The following CCDC171 variants were observed in gnomAD, a reference collection of about 807,000 sequenced individuals.
CCDC171 encodes coiled-coil domain containing 171, also known as coiled-coil domain-containing protein 171.
Under a neutral mutation model 168.2 loss-of-function variants are expected in CCDC171, and 177 were observed. That is an observed-to-expected ratio of 1.05 (90% CI 0.93 to 1.19). The LOEUF is 1.19. Among genes scored for constraint, CCDC171 ranks in the 50% most tolerant of loss-of-function variants. The probability of loss-of-function intolerance (pLI) is 0.00; values close to 1 mark genes in which losing one functional copy is unlikely to be tolerated. For synonymous variants in CCDC171, 687 were observed against 540.8 expected (o/e 1.27, Z -3.75); for missense variants, 1,991 against 1,539.0 (o/e 1.29, Z -4.91).
intron 3 of CCDC171, among the ~76,000 whole-genome samples, chr9:15,984,739 AG>A (rs1831930833): frequency 6.6e-6 from 1 of 152,148 alleles, no homozygotes; most frequent in Non-Finnish European, 1.5e-5. Flanking sequence ...TGAAAAGGGT[AG>A]GATACAAAAT....
At chr9:15,592,360 C>T (rs1285706683) in intron 5 of CCDC171, among the ~76,000 whole-genome samples, 2 of 150,744 alleles carry the variant, frequency 1.3e-5, no homozygotes, top group Non-Finnish European at 3.0e-5. Context: ...AGCAAAAAAA[C>T]AAAACAAAGA....
At chr9:15,793,280 T>C (rs930525819) in intron 21 of CCDC171, among the ~76,000 whole-genome samples, 2 of 151,960 alleles carry the variant, frequency 1.3e-5, no homozygotes, top group Admixed American at 1.3e-4. Context: ...CTAACTATCC[T>C]AAATATATAT....
chr9:15,590,677 T>C (rs1424978395), intron 4 of CCDC171, among the ~76,000 whole-genome samples: 1 of 152,234 alleles, frequency 6.6e-6, no homozygotes, highest in Non-Finnish European at 1.5e-5. Context: ...TTGTTGTCAA[T>C]AGTCAAATAT....
intron 6 of CCDC171, among the ~76,000 whole-genome samples, chr9:15,619,407 T>G (rs931466072): frequency 9.9e-5 from 15 of 152,198 alleles, no homozygotes; most frequent in African/African-American, 3.6e-4. Flanking sequence ...CAGCCATTCT[T>G]ATTGCTGACA....
At chr9:15,613,775 G>A (rs1293171412) in intron 6 of CCDC171, among the ~76,000 whole-genome samples, 2 of 151,814 alleles carry the variant, frequency 1.3e-5, no homozygotes, top group East Asian at 1.9e-4. Context: ...TGCCCGCCTC[G>A]GCCTCCCAAA....
intron 5 of CCDC171, 104 bp downstream of exon 5, chr9:15,591,660 C>A: frequency 1.4e-6 from 1 of 691,910 alleles, no homozygotes. Context: ...CTTTTTCCTT[C>A]CTCCTTCCTT....
intron 21 of CCDC171, among the ~76,000 whole-genome samples, chr9:15,826,334 T>TC (rs1213937362): frequency 1.3e-5 from 2 of 151,970 alleles, no homozygotes; most frequent in Non-Finnish European, 2.9e-5. Flanking sequence ...TCCTTTTTTT[T>TC]TATGCTGAAG....
chr9:15,802,607 A>G (rs1399656763), intron 21 of CCDC171, among the ~76,000 whole-genome samples: 2 of 152,132 alleles, frequency 1.3e-5, no homozygotes, highest in Non-Finnish European at 2.9e-5. Context: ...TTATGGCTGC[A>G]TGGTATTCCA....
intron 3 of CCDC171, among the ~76,000 whole-genome samples, chr9:15,572,610 C>T (rs3119700): frequency 0.055 from 8,392 of 152,188 alleles, 278 homozygotes; most frequent in African/African-American, 0.09. Flanking sequence ...TTTTTCTTCC[C>T]TTTTTGCTAA....
At position 15,892,934 on chromosome 9, in the gene CCDC171, A is replaced by AT. The variant is rs538631164; in HGVS notation, c.3600+18275dup. Among the ~76,000 whole-genome samples, 3 of 152,310 alleles carry AT rather than the reference A, an allele frequency of 2.0e-5. No homozygotes were observed. In the South Asian group the frequency reaches 6.2e-4, roughly 32 times the overall value. On this transcript the variant is annotated intron_variant, in intron 24 of 25. Transcript: ENST00000380701. ...ATTCTTCACAGAATTAGAAAAAACT[A>AT]TTTTAAAATTAATATGGAACCAAGA... is the stretch of plus-strand genomic sequence containing the variant.
intron 25 of CCDC171, among the ~76,000 whole-genome samples, chr9:15,931,507 A>T (rs1589159977): frequency 4.5e-5 from 2 of 44,702 alleles, no homozygotes; most frequent in African/African-American, 8.7e-5. Context: ...TTCCTTATAT[A>T]TTCTGGATAT....
At chr9:15,625,655 T>C (rs2045014578) in intron 7 of CCDC171, among the ~76,000 whole-genome samples, 1 of 152,252 alleles carries the variant, frequency 6.6e-6, no homozygotes, top group South Asian at 2.1e-4. Flanking sequence ...CTGAGGGCTC[T>C]GTTCTGTTCC....
intron 7 of CCDC171, among the ~76,000 whole-genome samples, chr9:15,626,364 GT>G (rs1461749446): frequency 6.6e-6 from 1 of 152,162 alleles, no homozygotes; most frequent in Non-Finnish European, 1.5e-5. Context: ...AATAGGAGTG[GT>G]GAGAGAGGGC....
chr9:15,623,464 TGCGC>T, intron 7 of CCDC171, 51 bp downstream of exon 7: 1 of 765,030 alleles, frequency 1.3e-6, no homozygotes, highest in South Asian at 1.8e-5. Flanking sequence ...CTTTCACATA[TGCGC>T]GCGCGCGCAC....
intron 1 of CCDC171, among the ~76,000 whole-genome samples, chr9:16,055,639 G>A (rs919103755): frequency 3.3e-5 from 5 of 152,236 alleles, no homozygotes; most frequent in Admixed American, 6.5e-5. Context: ...CAAATGAAAC[G>A]TGTAATTTCT....
chr9:16,062,496 C>T (rs1296981502), downstream of CCDC171, among the ~76,000 whole-genome samples: 1 of 152,142 alleles, frequency 6.6e-6, no homozygotes, highest in Non-Finnish European at 1.5e-5. Flanking sequence ...ACCAAAACCC[C>T]GAGACATGCA....
the CCDC171 span, among the ~76,000 whole-genome samples, chr9:16,078,422 C>G: frequency 6.6e-6 from 1 of 152,142 alleles, no homozygotes; most frequent in African/African-American, 2.4e-5. Flanking sequence ...ACTGGCTGAT[C>G]TGCATGCAGT....
chr9:15,867,786 A>G (rs2061854186), intron 23 of CCDC171, among the ~76,000 whole-genome samples: 1 of 152,088 alleles, frequency 6.6e-6, no homozygotes, highest in South Asian at 2.1e-4. Context: ...CTTTAAAATA[A>G]TTTATCTTCA....
intron 21 of CCDC171, among the ~76,000 whole-genome samples, chr9:15,792,309 A>C (rs1225195376): frequency 6.6e-6 from 1 of 152,228 alleles, no homozygotes; most frequent in Non-Finnish European, 1.5e-5. Flanking sequence ...GCTTCCAAGA[A>C]ATATGGGACT....
Sources: allele counts gnomAD v4.1 joint callset (sites outside exome capture counted in the v4.1 genomes callset), GRCh38; gene constraint gnomAD v4.1.1; transcripts MANE v1.5; gene names NCBI Gene and HGNC (gene_info 2026-07-23, HGNC 2026-07-21).